Variants in CYRIB observed in about 807,000 individuals in gnomAD.
CYRIB encodes the protein CYFIP related Rac1 interactor B.
In CYRIB, 8 loss-of-function variants were observed where a neutral mutation model predicts 44.2. The observed-to-expected ratio is 0.18, with a 90% CI of 0.11 to 0.33. The LOEUF is 0.33. Ranked by LOEUF, CYRIB falls within the 10% of genes least tolerant of loss-of-function variation. The pLI, the probability that CYRIB is intolerant of heterozygous loss-of-function variation, is 1.00. For missense variants in CYRIB, 185 were observed against 382.8 expected, an observed-to-expected ratio of 0.48 and a Z score of 4.31; for synonymous variants, 131 against 127.2, an observed-to-expected ratio of 1.03 and a Z score of -0.20.
chr8:129,964,661 A>T lies in CYRIB; in HGVS notation c.-243+6282T>A, dbSNP rs575749943. ...CACTTTGGGAGGCCAAGTCAGGAGG[A>T]TCACTTGAGCCCAGGAGTTCAAGAC... On this transcript the variant is annotated intron_variant, in intron 2 of 14. Coordinates refer to the CYRIB transcript ENST00000401979. 3.3e-5 allele frequency among the ~76,000 whole-genome samples: 5 copies of T among 152,254 alleles called. No individual in the cohort carries two copies. The East Asian group carries it at 9.7e-4, about 29-fold the overall frequency.
chr8:129,918,978 G>A (rs2082154063), intron 1 of CYRIB, among the ~76,000 whole-genome samples: 2 of 152,150 alleles, frequency 1.3e-5, no homozygotes. Flanking sequence ...GACTTCAAAT[G>A]AAATACTCTA....
intron 2 of CYRIB, among the ~76,000 whole-genome samples, chr8:129,884,358 G>A (rs892243673): frequency 1.3e-5 from 2 of 151,966 alleles, no homozygotes; most frequent in Admixed American, 1.3e-4. Context: ...GTACAATCTC[G>A]GCTCACTGCA....
chr8:129,983,335 C>A (rs1032665826), intron 1 of CYRIB, among the ~76,000 whole-genome samples: 1 of 152,090 alleles, frequency 6.6e-6, no homozygotes, highest in African/African-American at 2.4e-5. Flanking sequence ...GTCCCAGCTA[C>A]TCGGGAGGCT....
chr8:129,866,296 A>T (rs962809911), intron 4 of CYRIB, among the ~76,000 whole-genome samples: 1 of 152,208 alleles, frequency 6.6e-6, no homozygotes, highest in African/African-American at 2.4e-5. Flanking sequence ...GGTAAATTTG[A>T]GTGTGAAGGA....
intron 1 of CYRIB, among the ~76,000 whole-genome samples, chr8:129,981,996 T>C (rs975532978): frequency 6.6e-6 from 1 of 152,248 alleles, no homozygotes; most frequent in Non-Finnish European, 1.5e-5. Flanking sequence ...CTTTGTGTCC[T>C]GGTACTGAGT....
Position 129,852,294 on chromosome 8 carries a change from A to C in CYRIB, c.517-16T>G. 3 of 1,468,566 alleles carry C rather than the reference A, an allele frequency of 2.0e-6. No individual in the cohort carries two copies. The highest frequency in any genetic ancestry group is 2.8e-6 in the Non-Finnish European group (3 of 1,087,080). 91.0% of individuals were successfully genotyped at this position (1,468,566 alleles called of 1,614,324 possible). ...CTCCTTCTGCCTGTGGGGAAGGTAAAAGCACTGGATGTTAGTTCACAAATT... is the reference window on the plus strand; with the variant it reads ...CTCCTTCTGCCTGTGGGGAAGGTAACAGCACTGGATGTTAGTTCACAAATT... On this transcript the variant is annotated splice_polypyrimidine_tract_variant and intron_variant, in intron 7 of 11. Coordinates refer to ENST00000519824, the Ensembl canonical transcript of CYRIB.
intron 1 of CYRIB, among the ~76,000 whole-genome samples, chr8:129,916,171 T>A (rs1361972896): frequency 6.6e-6 from 1 of 152,162 alleles, no homozygotes; most frequent in Non-Finnish European, 1.5e-5. Flanking sequence ...CTATCCAACT[T>A]TCTTCTACAA....
chr8:129,874,683 G>C (rs1292979430), intron 3 of CYRIB, among the ~76,000 whole-genome samples: 6 of 152,050 alleles, frequency 3.9e-5, no homozygotes, highest in Non-Finnish European at 8.8e-5. Flanking sequence ...TGAATTAAAG[G>C]AGACTACTAT....
intron 1 of CYRIB, among the ~76,000 whole-genome samples, chr8:130,002,534 C>T (rs1051283298): frequency 6.6e-6 from 1 of 152,056 alleles, no homozygotes; most frequent in African/African-American, 2.4e-5. Flanking sequence ...AACATAATCA[C>T]ATTAGAAAAA....
In CYRIB at chr8:129,855,756, A is replaced by G. The variant is rs2045898423; in HGVS notation, c.302-9T>C. The G allele has an allele frequency of 6.3e-7, 1 of 1,588,794 alleles. No individual in the cohort carries two copies. Among genetic ancestry groups the G allele is most frequent in the African/African-American group, 1.4e-5 (1 of 73,606 alleles). On this transcript the variant is annotated splice_polypyrimidine_tract_variant and intron_variant, in intron 5 of 11. Transcript: ENST00000519824. ...ACCTCTTAATGCTGCTTCTAAAGAA[A>G]AAAATTGAAAAAAACATTAAGTTGT...
At chr8:129,939,821 C>G (rs190700342) in exon 1 of CYRIB, 30 of 152,406 alleles carry the variant, frequency 2.0e-4, no homozygotes, top group African/African-American at 6.3e-4. Flanking sequence ...CCCGGATGTA[C>G]AGGGTAACGA....
chr8:129,909,164 A>G (rs1441211589), intron 1 of CYRIB, among the ~76,000 whole-genome samples: 2 of 152,132 alleles, frequency 1.3e-5, no homozygotes, highest in Non-Finnish European at 2.9e-5. Context: ...AATTATCTCT[A>G]AAGTTTTTTT....
chr8:129,958,250 G>A (rs528285004), intron 2 of CYRIB, among the ~76,000 whole-genome samples: 21 of 151,722 alleles, frequency 1.4e-4, no homozygotes, highest in Admixed American at 7.2e-4. Flanking sequence ...GAAGAAAAAA[G>A]AGCCTTTCCA....
intron 1 of CYRIB, among the ~76,000 whole-genome samples, chr8:129,987,877 G>A (rs1473528204): frequency 1.3e-5 from 2 of 152,090 alleles, no homozygotes; most frequent in Non-Finnish European, 2.9e-5. Context: ...CGGCCCCACC[G>A]TTTCTAGTAC....
chr8:129,853,324 C>T lies in CYRIB; in HGVS notation c.516+942G>A, dbSNP rs74979625. 3.0e-3 allele frequency among the ~76,000 whole-genome samples: 460 copies of T among 152,256 alleles called. 1 individual carries two copies. Among genetic ancestry groups the T allele is most frequent in the African/African-American group, 0.011 (446 of 41,550 alleles). On this transcript the variant is annotated intron_variant, in intron 7 of 11. Transcript: ENST00000519824. ...GTTAAGGTCAGTCTCACACGAGGAA[C>T]TGGTCTATGCAAAAATCAAATTGAT...
At position 129,910,107 on chromosome 8, in the gene CYRIB, T is replaced by C. The variant is rs149340139; in HGVS notation, c.-49-6757A>G. On this transcript the variant is annotated intron_variant, in intron 1 of 11. Transcript: ENST00000519824. ...AGCTCTCCAGAGTCTTCGCATGCCATAGGTGCTAGTATGGGTTTATGTACC... is the reference window on the plus strand; with the variant it reads ...AGCTCTCCAGAGTCTTCGCATGCCACAGGTGCTAGTATGGGTTTATGTACC... 3.1e-3 allele frequency among the ~76,000 whole-genome samples: 479 copies of C among 152,256 alleles called. 4 individuals carry two copies. The highest frequency in any genetic ancestry group is 0.011 in the African/African-American group (465 of 41,556).
chr8:129,907,727 T>A (rs144079595), intron 1 of CYRIB, among the ~76,000 whole-genome samples: 1 of 152,182 alleles, frequency 6.6e-6, no homozygotes, highest in Non-Finnish European at 1.5e-5. Context: ...GATGGCCTGG[T>A]GCAGTGGCTC....
chr8:129,954,043 C>G (rs984630016), intron 2 of CYRIB, among the ~76,000 whole-genome samples: 40 of 152,192 alleles, frequency 2.6e-4, no homozygotes, highest in African/African-American at 7.9e-4. Flanking sequence ...CTTCTAAAAT[C>G]CTGGTGCCGA....
chr8:129,890,176 A>G (rs893499849), intron 2 of CYRIB, among the ~76,000 whole-genome samples: 1 of 152,254 alleles, frequency 6.6e-6, no homozygotes, highest in Non-Finnish European at 1.5e-5. Flanking sequence ...GCAAGGTCTG[A>G]AAGTACTGCT....
Sources: allele counts gnomAD v4.1 joint callset (sites outside exome capture counted in the v4.1 genomes callset), GRCh38; gene constraint gnomAD v4.1.1; transcripts MANE v1.5; gene names NCBI Gene and HGNC (gene_info 2026-07-23, HGNC 2026-07-21).